The following PDZD2 variants were observed in gnomAD, a reference collection of about 807,000 sequenced individuals.
The protein encoded by PDZD2 is PDZ domain-containing protein 2.
Under a neutral mutation model 220.7 loss-of-function variants are expected in PDZD2, and 90 were observed. That is an observed-to-expected ratio of 0.41 (90% CI 0.34 to 0.49). The LOEUF is 0.49. PDZD2 is among the 20% of genes least tolerant of loss of function. The probability of loss-of-function intolerance (pLI) is 0.28; values close to 1 mark genes in which losing one functional copy is unlikely to be tolerated. For missense variants in PDZD2, 3,174 were observed against 3,608.5 expected, an observed-to-expected ratio of 0.88 and a Z score of 3.08; for synonymous variants, 1,375 against 1,450.5, an observed-to-expected ratio of 0.95 and a Z score of 1.18.
intron 2 of PDZD2, chr5:31,854,916 G>GC (rs1554083562): frequency 5.0e-6 from 4 of 807,700 alleles, no homozygotes; most frequent in Admixed American, 9.6e-5. Context: ...GGAGGGAGGA[G>GC]GGGGGGGTCC....
chr5:32,058,598 C>T (rs759877518), intron 12 of PDZD2, among the ~76,000 whole-genome samples: 26 of 146,802 alleles, frequency 1.8e-4, no homozygotes, highest in African/African-American at 4.6e-4. Context: ...CGCTCGAACC[C>T]GGGAGGCAGA....
chr5:31,670,184 C>T (rs1483885309), intron 1 of PDZD2, among the ~76,000 whole-genome samples: 1 of 152,050 alleles, frequency 6.6e-6, no homozygotes, highest in Non-Finnish European at 1.5e-5. Context: ...GTGTTTGAAC[C>T]TAAACTCAAG....
At chr5:32,021,059 T>C (rs1380624059) in intron 6 of PDZD2, among the ~76,000 whole-genome samples, 1 of 69,662 alleles carries the variant, frequency 1.4e-5, no homozygotes, top group East Asian at 7.0e-4. Context: ...GACTTGGAAT[T>C]TTTTTTTTTT....
chr5:31,720,538 A>C (rs1229057794), intron 1 of PDZD2, among the ~76,000 whole-genome samples: 1 of 152,246 alleles, frequency 6.6e-6, no homozygotes, highest in Non-Finnish European at 1.5e-5. Context: ...ATTTCACCAT[A>C]GTTTTATGTG....
At chr5:32,100,902 C>A in intron 23 of PDZD2, 1 of 1,588,596 alleles carries the variant, frequency 6.3e-7, no homozygotes. Flanking sequence ...AGCAACACAG[C>A]CAGGAGGGCA....
At chr5:31,800,733 G>A (rs1313437023) in intron 2 of PDZD2, among the ~76,000 whole-genome samples, 1 of 152,194 alleles carries the variant, frequency 6.6e-6, no homozygotes, top group Non-Finnish European at 1.5e-5. Flanking sequence ...TAGGTATATA[G>A]GAAAGAGACT....
chr5:32,010,278 G>T (rs140804184), intron 5 of PDZD2, 52 bp from the exon 6 acceptor site: 5 of 1,428,006 alleles, frequency 3.5e-6, no homozygotes, highest in Non-Finnish European at 4.8e-6. Context: ...TTCAAGAACT[G>T]CTTGGTTCTG....
At chr5:31,813,258 G>A (rs548430591) in intron 2 of PDZD2, among the ~76,000 whole-genome samples, 1 of 152,114 alleles carries the variant, frequency 6.6e-6, no homozygotes, top group South Asian at 2.1e-4. Flanking sequence ...AGACCATCCT[G>A]GCTAACACGG....
chr5:31,808,489 G>A (rs1356669062), intron 2 of PDZD2, among the ~76,000 whole-genome samples: 1 of 152,156 alleles, frequency 6.6e-6, no homozygotes, highest in African/African-American at 2.4e-5. Flanking sequence ...TCCACGTGCT[G>A]TTTCACTCCA....
chr5:32,053,236 A>G (rs909728010), intron 9 of PDZD2, among the ~76,000 whole-genome samples: 13 of 152,242 alleles, frequency 8.5e-5, no homozygotes, highest in African/African-American at 2.7e-4. Context: ...AGAAAAGCAG[A>G]GCCTGCAGCT....
chr5:31,925,875 C>A (rs1744713678), intron 2 of PDZD2, among the ~76,000 whole-genome samples: 3 of 152,098 alleles, frequency 2.0e-5, no homozygotes, highest in African/African-American at 7.2e-5. Flanking sequence ...CATTGCTTAT[C>A]ACCAGAAAAG....
chr5:31,822,389 G>GC (rs1755939688), intron 2 of PDZD2, among the ~76,000 whole-genome samples: 1 of 147,606 alleles, frequency 6.8e-6, no homozygotes, highest in Admixed American at 6.9e-5. Flanking sequence ...TCCCACCTCA[G>GC]CCCCCCAAGT....
chr5:31,836,120 T>C (rs562615190), intron 2 of PDZD2, among the ~76,000 whole-genome samples: 26 of 152,208 alleles, frequency 1.7e-4, no homozygotes, highest in Admixed American at 7.9e-4. Context: ...CTGACTTAGA[T>C]GTTTTGAAAT....
At chr5:31,883,413 G>T (rs1406285959) in intron 2 of PDZD2, among the ~76,000 whole-genome samples, 2 of 151,514 alleles carry the variant, frequency 1.3e-5, no homozygotes, top group Non-Finnish European at 2.9e-5. Context: ...TAGAGATGGG[G>T]TTTTGCCAAG....
Position 32,098,931 on chromosome 5 carries a change from CTT to C in PDZD2, c.8218+298_8218+299del, listed in dbSNP as rs1280626006. Reference sequence around the variant, plus strand: ...AAGGAATCTCTTACATTCACAGCCTCTTGTTAGGACTGGTAAGGAAAACAGGA... The same window carrying C: ...AAGGAATCTCTTACATTCACAGCCTCGTTAGGACTGGTAAGGAAAACAGGA... On this transcript the variant is annotated intron_variant, in intron 23 of 24. Transcript: ENST00000438447. The surrounding 1 kb of genome is among the most constrained non-coding windows in gnomAD (Gnocchi z 4.1). 6.6e-6 allele frequency among the ~76,000 whole-genome samples: 1 copy of C among 152,178 alleles called. No individual in the cohort carries two copies. Among genetic ancestry groups the C allele is most frequent in the Non-Finnish European group, 1.5e-5 (1 of 68,042 alleles).
intron 6 of PDZD2, among the ~76,000 whole-genome samples, chr5:32,025,990 T>A (rs1386170871): frequency 1.3e-5 from 2 of 152,220 alleles, no homozygotes; most frequent in African/African-American, 4.8e-5. Context: ...TGTAAGAGTA[T>A]GACACATTTT....
chr5:31,666,019 C>T (rs1476555997), intron 1 of PDZD2, among the ~76,000 whole-genome samples: 4 of 152,188 alleles, frequency 2.6e-5, no homozygotes, highest in Non-Finnish European at 4.4e-5. Context: ...GGTGGAGAGG[C>T]AGCGTGGGCT....
At chr5:31,957,722 G>A (rs1397766005) in intron 2 of PDZD2, among the ~76,000 whole-genome samples, 2 of 152,124 alleles carry the variant, frequency 1.3e-5, no homozygotes, top group South Asian at 2.1e-4. Context: ...AGGCTTCATG[G>A]ACACTGATGA....
intron 1 of PDZD2, among the ~76,000 whole-genome samples, chr5:31,691,133 C>T (rs374213076): frequency 2.0e-5 from 3 of 152,174 alleles, no homozygotes; most frequent in South Asian, 2.1e-4. Flanking sequence ...TTCCTTCTGA[C>T]GTTCGGATGC....
Sources: allele counts gnomAD v4.1 joint callset (sites outside exome capture counted in the v4.1 genomes callset), GRCh38; gene constraint gnomAD v4.1.1; non-coding constraint Gnocchi (gnomAD v3.1); transcripts MANE v1.5; gene names NCBI Gene and HGNC (gene_info 2026-07-23, HGNC 2026-07-21).